Variants in TBC1D12 observed in about 807,000 individuals in gnomAD.
The protein encoded by TBC1D12 is TBC1 domain family member 12, also known as TBC1 domain family, member 12.
A neutral mutation model predicts 86.7 loss-of-function variants in TBC1D12; 56 were observed. The ratio of observed to expected loss-of-function variants is 0.65; its 90% confidence interval spans 0.52 to 0.81. The LOEUF (loss-of-function observed/expected upper bound fraction) is 0.81, where lower values mean the gene tolerates loss of function less well. Ranked by LOEUF, TBC1D12 falls within the 30% of genes least tolerant of loss-of-function variation. The probability of loss-of-function intolerance (pLI) is 0.00; values close to 1 mark genes in which losing one functional copy is unlikely to be tolerated. For synonymous variants in TBC1D12, 421 were observed against 411.7 expected (o/e 1.02, Z -0.27); for missense variants, 1,023 against 1,038.8 (o/e 0.98, Z 0.21).
chr10:94,525,761 T>C (rs1204291139), intron 11 of TBC1D12, among the ~76,000 whole-genome samples: 2 of 152,210 alleles, frequency 1.3e-5, no homozygotes, highest in East Asian at 1.9e-4. Flanking sequence ...CTATGTGGTT[T>C]AATGGAATTA....
At chr10:94,423,092 C>T (rs1465620792) in intron 1 of TBC1D12, among the ~76,000 whole-genome samples, 3 of 151,570 alleles carry the variant, frequency 2.0e-5, no homozygotes, top group East Asian at 3.9e-4. Flanking sequence ...AGAATGAGGC[C>T]CTGTCTTGAA....
At position 94,525,803 on chromosome 10, in the gene TBC1D12, T is replaced by C. The variant is rs772583796; in HGVS notation, c.2000+3350T>C. Reference sequence around the variant, plus strand: ...CTTTTTCTTTTCACTCTTTTGAAGTTTTAAAATATTTTTTTTAGTTGACAC... The same window carrying C: ...CTTTTTCTTTTCACTCTTTTGAAGTCTTAAAATATTTTTTTTAGTTGACAC... On this transcript the variant is annotated intron_variant, in intron 11 of 12. Coordinates refer to ENST00000225235, the MANE Select transcript of TBC1D12 (RefSeq NM_015188.2). Among the ~76,000 whole-genome samples the C allele has an allele frequency of 3.4e-4, 52 of 152,026 alleles. 1 individual carries two copies. Among genetic ancestry groups the C allele is most frequent in the Non-Finnish European group, 1.6e-4 (11 of 68,036 alleles).
intron 2 of TBC1D12, among the ~76,000 whole-genome samples, chr10:94,453,285 C>T (rs572701430): frequency 6.6e-6 from 1 of 152,160 alleles, no homozygotes; most frequent in South Asian, 2.1e-4. Context: ...TAGTAGTCTC[C>T]CCTTATCACA....
At chr10:94,432,728 T>C (rs1380453256) in intron 1 of TBC1D12, among the ~76,000 whole-genome samples, 1 of 152,066 alleles carries the variant, frequency 6.6e-6, no homozygotes, top group Non-Finnish European at 1.5e-5. Flanking sequence ...CTGAACTTAT[T>C]GTATTGTCAG....
chr10:94,507,627 T>C (rs2056476332), intron 7 of TBC1D12, among the ~76,000 whole-genome samples: 1 of 152,194 alleles, frequency 6.6e-6, no homozygotes. Flanking sequence ...TTGACTCATT[T>C]TTATGAAGCA....
intron 2 of TBC1D12, among the ~76,000 whole-genome samples, chr10:94,465,797 T>C (rs1042826245): frequency 1.3e-5 from 2 of 150,342 alleles, no homozygotes; most frequent in Middle Eastern, 3.2e-3. Context: ...CATATACGCA[T>C]ACATACATAT....
chr10:94,477,049 A>T (rs1482725549), intron 3 of TBC1D12, among the ~76,000 whole-genome samples: 1 of 152,232 alleles, frequency 6.6e-6, no homozygotes, highest in Non-Finnish European at 1.5e-5. Flanking sequence ...AACATTATGA[A>T]AAGAACTCAG....
At chr10:94,417,982 C>T (rs55852558) in intron 1 of TBC1D12, among the ~76,000 whole-genome samples, 3,302 of 152,146 alleles carry the variant, frequency 0.022, 123 homozygotes, top group African/African-American at 0.073. Context: ...TCTTGATCTC[C>T]TGACCTCGTG....
intron 7 of TBC1D12, chr10:94,508,831 C>A (rs74346781): frequency 7.9e-5 from 12 of 152,030 alleles, no homozygotes; most frequent in Non-Finnish European, 1.3e-4. Flanking sequence ...GGCTGTTTTT[C>A]CCCTTGTTTC....
At chr10:94,414,047 T>A (rs767957887) in intron 1 of TBC1D12, among the ~76,000 whole-genome samples, 1 of 152,190 alleles carries the variant, frequency 6.6e-6, no homozygotes, top group Non-Finnish European at 1.5e-5. Context: ...TTCATTCAAA[T>A]ACTATAATAG....
At chr10:94,506,354 T>C (rs1486470847) in intron 6 of TBC1D12, among the ~76,000 whole-genome samples, 1 of 152,252 alleles carries the variant, frequency 6.6e-6, no homozygotes, top group African/African-American at 2.4e-5. Flanking sequence ...TTTGAAATTT[T>C]TTAAAACCAT....
intron 2 of TBC1D12, among the ~76,000 whole-genome samples, chr10:94,462,517 A>G (rs1347748483): frequency 2.0e-5 from 3 of 152,168 alleles, no homozygotes; most frequent in East Asian, 3.8e-4. Context: ...TACTGATCTA[A>G]GTGAAGTGTG....
Position 94,531,759 on chromosome 10 carries a change from T to TTTATG in TBC1D12, c.2259+303_2259+304insGTTAT, listed in dbSNP as rs1554951689. ...GTTATGTTATTTTATGTTATTTTATTTTATTTTATTTTATGTTATTTTATT... is the reference window on the plus strand; with the variant it reads ...GTTATGTTATTTTATGTTATTTTATTTTATGTTATTTTATTTTATGTTATTTTATT... On this transcript the variant is annotated intron_variant, in intron 12 of 12. Coordinates refer to ENST00000225235, the MANE Select transcript of TBC1D12 (RefSeq NM_015188.2). 2.3e-3 allele frequency among the ~76,000 whole-genome samples: 154 copies of TTTATG among 66,640 alleles called. 4 individuals carry two copies. The highest frequency in any genetic ancestry group is 3.7e-3 in the Non-Finnish European group (101 of 27,414). The allele number at this position is 66,640 out of a possible 152,430, so 43.7% of individuals were successfully genotyped here. A position where few individuals can be genotyped will look rare whatever the true frequency, so the allele number is the denominator to read the frequency against.
chr10:94,433,941 A>G (rs2055256230), intron 1 of TBC1D12, among the ~76,000 whole-genome samples: 1 of 152,088 alleles, frequency 6.6e-6, no homozygotes, highest in Admixed American at 6.6e-5. Flanking sequence ...TAGAGTTGAT[A>G]ATAGCTGTAA....
At chr10:94,494,831 A>C (rs1219924266) in intron 4 of TBC1D12, among the ~76,000 whole-genome samples, 1 of 152,096 alleles carries the variant, frequency 6.6e-6, no homozygotes, top group African/African-American at 2.4e-5. Flanking sequence ...GGTGTGAGCC[A>C]CCACATCCAG....
Position 94,475,895 on chromosome 10 carries a change from C to CT in TBC1D12, c.1211+1121dup, listed in dbSNP as rs199746682. On this transcript the variant is annotated intron_variant, in intron 3 of 12. Coordinates refer to ENST00000225235, the MANE Select transcript of TBC1D12 (RefSeq NM_015188.2). ...CCTCCTTGGGTTCTCTGGATCAATT[C>CT]TTTTTTTTTACTAGGATTGTCTCTC... Among the ~76,000 whole-genome samples, 586 of 151,532 alleles carry CT rather than the reference C, an allele frequency of 3.9e-3. 3 individuals carry two copies. The highest frequency in any genetic ancestry group is 0.013 in the African/African-American group (529 of 41,354).
intron 1 of TBC1D12, among the ~76,000 whole-genome samples, chr10:94,417,891 G>C (rs760049865): frequency 1.3e-5 from 2 of 151,520 alleles, no homozygotes; most frequent in Non-Finnish European, 1.5e-5. Context: ...CTGGACTACA[G>C]GCGCCCGCCA....
In TBC1D12 at chr10:94,511,615, T is replaced by C. The variant is rs1224012754; in HGVS notation, c.1722T>C (p.Ile574=). ...GGPYHDVLHS[I]LGAYTCYRPD... ...CATATCATGATGTCTTGCATAGTATTTTAGGGGCATACACATGCTACAGGC... is the reference window on the plus strand; with the variant it reads ...CATATCATGATGTCTTGCATAGTATCTTAGGGGCATACACATGCTACAGGC... Residue 574 remains isoleucine (I), a synonymous_variant, in exon 9 of 13, where the codon ATT becomes ATC. Transcript: ENST00000225235. The C allele has an allele frequency of 6.8e-6, 11 of 1,613,218 alleles. No homozygotes were observed. The highest frequency in any genetic ancestry group is 8.5e-6 in the Non-Finnish European group (10 of 1,179,522).
chr10:94,454,960 C>T (rs1272244617), intron 2 of TBC1D12, among the ~76,000 whole-genome samples: 1 of 152,166 alleles, frequency 6.6e-6, no homozygotes, highest in Non-Finnish European at 1.5e-5. Context: ...TTGTTCCTGA[C>T]CTTAGAGAGA....
Sources: gnomAD v4.1 joint callset for allele counts (sites outside exome capture counted in the v4.1 genomes callset) on GRCh38, gnomAD v4.1.1 for gene constraint, MANE v1.5 for transcripts, NCBI Gene and HGNC (gene_info 2026-07-23, HGNC 2026-07-21) for gene names.